IL23R: variants seen among roughly 807,000 people sequenced by gnomAD.
The protein encoded by IL23R is interleukin-23 receptor.
A neutral mutation model predicts 56.9 loss-of-function variants in IL23R; 34 were observed. That is an observed-to-expected ratio of 0.60 (90% CI 0.45 to 0.80). IL23R has a LOEUF of 0.80. Ranked by LOEUF, IL23R falls within the 30% of genes least tolerant of loss-of-function variation. IL23R has a pLI of 0.00. For synonymous variants in IL23R, 230 were observed against 249.2 expected (o/e 0.92, Z 0.73); for missense variants, 635 against 730.0 (o/e 0.87, Z 1.50).
At position 67,255,828 on chromosome 1, in the gene IL23R, GT is replaced by G. The variant is rs1390339736; in HGVS notation, c.1149-3del. ...CTGCTTCTTCTAACGTGTCATTTTT[GT>G]TTTTTAGGATTAAAAGAAGGATCTT... On this transcript the variant is annotated splice_region_variant and splice_polypyrimidine_tract_variant and intron_variant, in intron 9 of 10. Coordinates refer to ENST00000347310, the MANE Select transcript of IL23R (RefSeq NM_144701.3). 15 of 1,396,664 alleles carry G rather than the reference GT, an allele frequency of 1.1e-5. No homozygotes were observed. The highest frequency in any genetic ancestry group is 1.8e-4 in the Middle Eastern group (1 of 5,670). The allele number at this position is 1,396,664 out of a possible 1,614,324, so 86.5% of individuals were successfully genotyped here. A position where few individuals can be genotyped will look rare whatever the true frequency, so the allele number is the denominator to read the frequency against.
rs958559603 is a variant in IL23R, at chr1:67,258,538, A to G, written c.1300A>G (p.Ile434Val). The change falls in exon 11 of 11, where the codon ATT becomes GTT. Residue 434 changes from isoleucine to valine, a missense_variant. By Grantham distance (29) the Ile-to-Val change is conservative. Transcript: ENST00000347310. ...SEQVLYVDPM[I>V]TEIKEIFIPE... ...GCAGGTCCTATATGTTGATCCCATG[A>G]TTACAGAGATAAAAGAAATCTTCAT... The G allele has an allele frequency of 1.9e-6, 3 of 1,607,890 alleles. No homozygotes were observed. In the African/African-American group the frequency reaches 4.0e-5, roughly 22 times the overall value.
At chr1:67,147,778 TCTA>T (rs1190778892) in intron 1 of IL23R, among the ~76,000 whole-genome samples, 1 of 152,176 alleles carries the variant, frequency 6.6e-6, no homozygotes, top group Non-Finnish European at 1.5e-5. Context: ...ACTGATAAAA[TCTA>T]CTAGCTACTT....
intron 4 of IL23R, among the ~76,000 whole-genome samples, chr1:67,185,598 G>T (rs1647280793): frequency 6.6e-6 from 1 of 151,800 alleles, no homozygotes; most frequent in Admixed American, 6.6e-5. Flanking sequence ...ACCTAATCTT[G>T]CTCTCTCTCT....
intron 6 of IL23R, among the ~76,000 whole-genome samples, chr1:67,213,423 G>A (rs1313038336): frequency 1.3e-5 from 2 of 152,166 alleles, no homozygotes; most frequent in Non-Finnish European, 2.9e-5. Flanking sequence ...TATTGAGGGT[G>A]CTTTTCAGCC....
chr1:67,247,013 A>G (rs932345414), intron 9 of IL23R, among the ~76,000 whole-genome samples: 4 of 152,152 alleles, frequency 2.6e-5, no homozygotes, highest in African/African-American at 9.7e-5. Context: ...GGGTGCATAT[A>G]TATTTAGGAT....
At chr1:67,236,377 G>C (rs1651473904) in intron 7 of IL23R, among the ~76,000 whole-genome samples, 1 of 152,240 alleles carries the variant, frequency 6.6e-6, no homozygotes, top group African/African-American at 2.4e-5. Flanking sequence ...ATAGAGATTA[G>C]TTATCATGCG....
intron 10 of IL23R, among the ~76,000 whole-genome samples, chr1:67,257,022 C>T (rs1652987548): frequency 6.6e-6 from 1 of 152,144 alleles, no homozygotes; most frequent in Non-Finnish European, 1.5e-5. Context: ...TGAAGCAATA[C>T]CCAATGTGCT....
intron 1 of IL23R, among the ~76,000 whole-genome samples, chr1:67,159,602 T>G (rs977577757): frequency 7.9e-5 from 12 of 152,160 alleles, no homozygotes; most frequent in African/African-American, 2.9e-4. Flanking sequence ...TGGACCAAAA[T>G]GATAAATAAT....
chr1:67,225,658 C>T (rs1650567610), intron 7 of IL23R, among the ~76,000 whole-genome samples: 2 of 152,140 alleles, frequency 1.3e-5, no homozygotes, highest in Middle Eastern at 3.4e-3. Context: ...TACAGACATC[C>T]ACCACACCTG....
At chr1:67,201,419 A>T (rs972605895) in intron 5 of IL23R, among the ~76,000 whole-genome samples, 10 of 151,958 alleles carry the variant, frequency 6.6e-5, no homozygotes, top group Non-Finnish European at 8.8e-5. Flanking sequence ...AAAAAAAAAA[A>T]AAAAATCCAT....
At chr1:67,175,509 C>G (rs1646996296) in intron 3 of IL23R, among the ~76,000 whole-genome samples, 1 of 152,162 alleles carries the variant, frequency 6.6e-6, no homozygotes, top group Non-Finnish European at 1.5e-5. Flanking sequence ...TCCCTCTCCT[C>G]CAAGCCCCAG....
intron 1 of IL23R, among the ~76,000 whole-genome samples, chr1:67,141,995 C>T (rs549996006): frequency 1.6e-4 from 25 of 152,108 alleles, no homozygotes; most frequent in Non-Finnish European, 3.1e-4. Flanking sequence ...TAAGGAACAA[C>T]ATGTTTTATG....
At chr1:67,166,697 C>T (rs1646877388) in intron 1 of IL23R, among the ~76,000 whole-genome samples, 156 bp downstream of exon 1, 1 of 152,124 alleles carries the variant, frequency 6.6e-6, no homozygotes, top group African/African-American at 2.4e-5. Flanking sequence ...CATCACATTA[C>T]TTTAAATAAT....
At chr1:67,162,410 C>T (rs1646830228), upstream of IL23R, among the ~76,000 whole-genome samples, 2 of 152,084 alleles carry the variant, frequency 1.3e-5, no homozygotes, top group African/African-American at 4.8e-5. Context: ...TTGCTTGAAC[C>T]TGGGAGGTGG....
chr1:67,231,848 C>T (rs925136817), intron 7 of IL23R: 3 of 152,086 alleles, frequency 2.0e-5, no homozygotes, highest in Admixed American at 6.6e-5. Flanking sequence ...AGCAAGACCT[C>T]ATCTCTACTA....
At chr1:67,229,510 T>G (rs1167420853) in intron 7 of IL23R, among the ~76,000 whole-genome samples, 1 of 152,178 alleles carries the variant, frequency 6.6e-6, no homozygotes, top group Non-Finnish European at 1.5e-5. Flanking sequence ...GATTAAACCA[T>G]TGGCCATTGG....
At chr1:67,161,689 G>A (rs777801890), upstream of IL23R, among the ~76,000 whole-genome samples, 8 of 151,802 alleles carry the variant, frequency 5.3e-5, no homozygotes, top group Non-Finnish European at 7.4e-5. Flanking sequence ...GTGCTGTGGC[G>A]CGATCTCGGC....
At chr1:67,144,180 TCTC>T (rs1385594899) in intron 1 of IL23R, among the ~76,000 whole-genome samples, 1 of 152,204 alleles carries the variant, frequency 6.6e-6, no homozygotes, top group Non-Finnish European at 1.5e-5. Flanking sequence ...ACGCTTGGCT[TCTC>T]CTTCAAATCC....
chr1:67,208,242 T>C (rs1649218349), intron 6 of IL23R, among the ~76,000 whole-genome samples: 1 of 152,182 alleles, frequency 6.6e-6, no homozygotes, highest in Non-Finnish European at 1.5e-5. Flanking sequence ...ATTTGTGGCC[T>C]GACTATGCAA....
Sources: allele counts gnomAD v4.1 joint callset (sites outside exome capture counted in the v4.1 genomes callset), GRCh38; gene constraint gnomAD v4.1.1; transcripts MANE v1.5; gene names NCBI Gene and HGNC (gene_info 2026-07-23, HGNC 2026-07-21).